Variants in FHOD3 observed in about 807,000 individuals in gnomAD.
FHOD3 encodes FH1/FH2 domain-containing protein 3.
A neutral mutation model predicts 173.0 loss-of-function variants in FHOD3; 90 were observed. The observed-to-expected ratio is 0.52, with a 90% confidence interval of 0.44 to 0.62. The LOEUF (loss-of-function observed/expected upper bound fraction) is 0.62. Ranked by LOEUF, FHOD3 falls within the 20% of genes least tolerant of loss-of-function variation. The pLI, the probability that FHOD3 is intolerant of heterozygous loss-of-function variation, is 0.00. For missense variants in FHOD3, 1,945 were observed against 2,034.7 expected (o/e 0.96, Z 0.85); for synonymous variants, 828 against 823.0 (o/e 1.01, Z -0.10).
intron 7 of FHOD3, among the ~76,000 whole-genome samples, chr18:36,600,668 G>A (rs1395021497): frequency 6.6e-6 from 1 of 152,164 alleles, no homozygotes; most frequent in Admixed American, 6.5e-5. Context: ...AGGATTAGAT[G>A]CACACATGTG....
Position 36,590,020 on chromosome 18 carries a change from TG to T in FHOD3, c.607-4766del, listed in dbSNP as rs1240451703. Among the ~76,000 whole-genome samples, 2 of 152,156 alleles carry T rather than the reference TG, an allele frequency of 1.3e-5. 1 individual carries two copies. Among genetic ancestry groups the T allele is most frequent in the African/African-American group, 4.8e-5 (2 of 41,434 alleles). On this transcript the variant is annotated intron_variant, in intron 6 of 28. Coordinates refer to ENST00000590592, the MANE Select transcript of FHOD3 (RefSeq NM_001281740.3). ...CTTTGCTGACATGTCTGGGCCACAC[TG>T]TGGTGTGTGCTCTGGCATCCTTGCA...
intron 3 of FHOD3, among the ~76,000 whole-genome samples, chr18:36,378,565 C>T (rs1692886814): frequency 7.7e-6 from 1 of 130,610 alleles, no homozygotes; most frequent in Admixed American, 8.7e-5. Context: ...CAGGTGTGTC[C>T]AACCCCTGTC....
At chr18:36,441,873 G>A (rs923501676) in intron 3 of FHOD3, among the ~76,000 whole-genome samples, 3 of 152,182 alleles carry the variant, frequency 2.0e-5, no homozygotes, top group Non-Finnish European at 4.4e-5. Flanking sequence ...ACAGTGACAC[G>A]TTGCATGATT....
intron 5 of FHOD3, among the ~76,000 whole-genome samples, chr18:36,547,724 G>A (rs2057470226): frequency 6.6e-6 from 1 of 152,188 alleles, no homozygotes; most frequent in Non-Finnish European, 1.5e-5. Context: ...CTGCTCACCC[G>A]CAGATCGTTG....
chr18:36,478,965 T>C (rs1488609524), intron 3 of FHOD3, among the ~76,000 whole-genome samples: 1 of 152,222 alleles, frequency 6.6e-6, no homozygotes, highest in Non-Finnish European at 1.5e-5. Flanking sequence ...ATTCTAAATA[T>C]ACCTTATACA....
At chr18:36,548,151 C>T (rs2057490739) in intron 5 of FHOD3, among the ~76,000 whole-genome samples, 1 of 152,100 alleles carries the variant, frequency 6.6e-6, no homozygotes, top group Non-Finnish European at 1.5e-5. Flanking sequence ...GAGATCGTGC[C>T]ACTGCACTCC....
rs1290487377 is a variant in FHOD3 at position 36,460,388 on chromosome 18, T to C, written c.338-41544T>C. On this transcript the variant is annotated intron_variant, in intron 3 of 28. Coordinates refer to ENST00000590592, the MANE Select transcript of FHOD3 (RefSeq NM_001281740.3). ...TATCAGTAAAGACTTGTGACTATTTTATATTTCAGATTGTAATCTAATGCT... is the reference window on the plus strand; with the variant it reads ...TATCAGTAAAGACTTGTGACTATTTCATATTTCAGATTGTAATCTAATGCT... Among the ~76,000 whole-genome samples the C allele has an allele frequency of 5.3e-5, 8 of 152,252 alleles. 1 individual carries two copies. The highest frequency in any genetic ancestry group is 3.3e-4 in the Admixed American group (5 of 15,290).
At chr18:36,687,537 G>A (rs1029337346) in intron 16 of FHOD3, among the ~76,000 whole-genome samples, 1 of 152,116 alleles carries the variant, frequency 6.6e-6, no homozygotes, top group East Asian at 1.9e-4. Context: ...AAATATTTTA[G>A]TATCCACACT....
At chr18:36,450,443 G>T (rs1790626) in intron 3 of FHOD3, among the ~76,000 whole-genome samples, 13,126 of 92,950 alleles carry the variant, frequency 0.14, 1,567 homozygotes, top group East Asian at 0.44. Flanking sequence ...CGACCAGTTT[G>T]TTTATTTATT....
At chr18:36,436,093 G>A (rs181097014) in intron 3 of FHOD3, among the ~76,000 whole-genome samples, 13 of 152,256 alleles carry the variant, frequency 8.5e-5, no homozygotes, top group African/African-American at 3.1e-4. Flanking sequence ...ACAGGCAAAG[G>A]TGTTAAAAAT....
intron 20 of FHOD3, among the ~76,000 whole-genome samples, chr18:36,733,717 T>C (rs2041487961): frequency 6.6e-6 from 1 of 152,184 alleles, no homozygotes; most frequent in Non-Finnish European, 1.5e-5. Flanking sequence ...CTGACGGATA[T>C]GGGAGTAGCA....
intron 5 of FHOD3, among the ~76,000 whole-genome samples, chr18:36,515,303 C>T (rs944685081): frequency 5.3e-5 from 8 of 152,158 alleles, no homozygotes; most frequent in East Asian, 1.9e-4. Context: ...CTGCAAGCTC[C>T]GCCACCCAGG....
chr18:36,670,505 G>T (rs1438900603), intron 14 of FHOD3, among the ~76,000 whole-genome samples: 1 of 151,920 alleles, frequency 6.6e-6, no homozygotes, highest in African/African-American at 2.4e-5. Flanking sequence ...TTCTTCTGTG[G>T]TGACAATCTA....
At chr18:36,633,721 T>C (rs1373968468) in intron 10 of FHOD3, among the ~76,000 whole-genome samples, 2 of 152,196 alleles carry the variant, frequency 1.3e-5, no homozygotes, top group Non-Finnish European at 2.9e-5. Flanking sequence ...GTAATGAGAA[T>C]GTTATATCTT....
rs2040569257 is a variant in FHOD3, at chr18:36,718,261, G to C, written c.2963G>C (p.Arg988Thr). Reference sequence around the variant, plus strand: ...TGGGACCAGCTCATGGCCAATCCAAGAGAGCTCAGAATCCAAGACATGGAT... The same window carrying C: ...TGGGACCAGCTCATGGCCAATCCAACAGAGCTCAGAATCCAAGACATGGAT... The part of the protein sequence containing the change: ...YIWDQLMANP[R>T]ELRIQDMDFT... Residue 988 changes from arginine to threonine, a missense_variant, in exon 19 of 29, where the codon AGA becomes ACA. Arg to Thr is a moderately conservative substitution (Grantham distance 71). This residue lies in a region of FHOD3 where 1,099 missense variants were observed against 1,051.2 expected (regional missense o/e 1.05). Coordinates refer to ENST00000590592, the MANE Select transcript of FHOD3 (RefSeq NM_001281740.3). The C allele has an allele frequency of 6.2e-7, 1 of 1,614,066 alleles. No homozygotes were observed. The highest frequency in any genetic ancestry group is 8.5e-7 in the Non-Finnish European group (1 of 1,180,036).
chr18:36,717,915 ATGC>A lies in FHOD3; in HGVS notation c.2620_2622del (p.Leu874del). 1 of 1,613,864 alleles carries A rather than the reference ATGC, an allele frequency of 6.2e-7. No homozygotes were observed. Among genetic ancestry groups the A allele is most frequent in the South Asian group, 1.1e-5 (1 of 91,026 alleles). On this transcript the variant is annotated inframe_deletion, in exon 19 of 29. Coordinates refer to ENST00000590592, the MANE Select transcript of FHOD3 (RefSeq NM_001281740.3). ...CACCAACAAACGGTTCATGCTTGAC[ATGC>A]TGTATGCCCATAACAGGAAGTCTCC...
intron 20 of FHOD3, among the ~76,000 whole-genome samples, chr18:36,733,025 T>C (rs1158016939): frequency 6.6e-6 from 1 of 152,182 alleles, no homozygotes; most frequent in African/African-American, 2.4e-5. Context: ...TAAATACCAC[T>C]AGAGGGAAAT....
intron 3 of FHOD3, among the ~76,000 whole-genome samples, chr18:36,454,080 G>C (rs530852799): frequency 3.1e-4 from 47 of 152,128 alleles, no homozygotes; most frequent in Admixed American, 7.9e-4. Context: ...AATGTATTTT[G>C]CATATGGATC....
At chr18:36,610,654 C>T (rs572547624) in intron 8 of FHOD3, among the ~76,000 whole-genome samples, 44 of 152,266 alleles carry the variant, frequency 2.9e-4, no homozygotes, top group African/African-American at 1.0e-3. Flanking sequence ...CGCCATTATT[C>T]GAGTTATGAA....
Sources: gnomAD v4.1 joint callset for allele counts (sites outside exome capture counted in the v4.1 genomes callset) on GRCh38, gnomAD v4.1.1 for gene constraint, gnomAD v4.1.1 regional missense constraint, MANE v1.5 for transcripts, NCBI Gene and HGNC (gene_info 2026-07-23, HGNC 2026-07-21) for gene names.